The following MACROD2 variants were observed in gnomAD, a reference collection of about 807,000 sequenced individuals.
MACROD2 encodes mono-ADP ribosylhydrolase 2.
Under a neutral mutation model 70.4 loss-of-function variants are expected in MACROD2, and 36 were observed. The observed-to-expected ratio is 0.51, with a 90% CI of 0.39 to 0.68. The LOEUF is 0.68. MACROD2 is among the 30% of genes least tolerant of loss of function. The probability of loss-of-function intolerance (pLI) is 0.00; values close to 1 mark genes in which losing one functional copy is unlikely to be tolerated. For missense variants in MACROD2, 496 were observed against 538.4 expected (o/e 0.92, Z 0.78); for synonymous variants, 172 against 178.8 (o/e 0.96, Z 0.30).
chr20:15,079,865 A>G (rs2075689224), intron 5 of MACROD2, among the ~76,000 whole-genome samples: 1 of 151,934 alleles, frequency 6.6e-6, no homozygotes, highest in Admixed American at 6.6e-5. Context: ...TAAGAAAACC[A>G]CTTCCTCAGT....
rs533336323 is a variant in MACROD2, at chr20:15,041,247, T to C, written c.419-188693T>C. Among the ~76,000 whole-genome samples the C allele has an allele frequency of 3.3e-5, 5 of 152,294 alleles. No homozygotes were observed. In the South Asian group the frequency reaches 8.3e-4, roughly 25 times the overall value. On this transcript the variant is annotated intron_variant, in intron 5 of 17. Transcript: ENST00000684519. ...GGGCGTGACAAATTTTTGTTTGTAATACAGTTCCCAGTCATTGGAAGGGGA... is the reference window on the plus strand; with the variant it reads ...GGGCGTGACAAATTTTTGTTTGTAACACAGTTCCCAGTCATTGGAAGGGGA...
intron 8 of MACROD2, among the ~76,000 whole-genome samples, chr20:15,778,879 ATGC>A (rs1474837033): frequency 1.3e-5 from 2 of 152,128 alleles, no homozygotes; most frequent in Non-Finnish European, 2.9e-5. Context: ...TATAGCTCAT[ATGC>A]TGTCTTGATA....
In MACROD2 at chr20:16,050,041, G is replaced by A; in HGVS notation, c.*165G>A. 3.7e-6 allele frequency: 2 copies of A among 537,264 alleles called. No individual in the cohort carries two copies. The highest frequency in any genetic ancestry group is 6.1e-6 in the Non-Finnish European group (2 of 327,234). 33.3% of individuals were successfully genotyped at this position (537,264 alleles called of 1,614,324 possible). On this transcript the variant is annotated 3_prime_UTR_variant, in exon 18 of 18. Transcript: ENST00000684519. ...CTGCATTTTGTTCCGTTTATCTGCA[G>A]AAAAAGAAAGAAAAAAAAGAAAAAA...
intron 5 of MACROD2, among the ~76,000 whole-genome samples, chr20:14,843,826 G>GTTT (rs2073111392): frequency 6.6e-6 from 1 of 151,964 alleles, no homozygotes; most frequent in African/African-American, 2.4e-5. Context: ...TATACTCTTT[G>GTTT]TTTGTACAAG....
chr20:15,641,983 C>A (rs769758140), intron 8 of MACROD2, among the ~76,000 whole-genome samples: 7 of 152,136 alleles, frequency 4.6e-5, no homozygotes, highest in African/African-American at 1.7e-4. Flanking sequence ...TTCCAAGTGG[C>A]CTGAAGGTGG....
At chr20:14,837,456 T>C (rs1442580801) in intron 5 of MACROD2, among the ~76,000 whole-genome samples, 1 of 152,042 alleles carries the variant, frequency 6.6e-6, no homozygotes, top group East Asian at 1.9e-4. Context: ...ATTTAACCAA[T>C]TGGAGTATGA....
chr20:15,720,272 A>G (rs2050769158), intron 8 of MACROD2, among the ~76,000 whole-genome samples: 3 of 152,168 alleles, frequency 2.0e-5, no homozygotes, highest in African/African-American at 7.2e-5. Flanking sequence ...GCAGGCAGAC[A>G]TCGCTTTGAC....
At chr20:15,107,422 G>A (rs900263985) in intron 5 of MACROD2, among the ~76,000 whole-genome samples, 3 of 151,534 alleles carry the variant, frequency 2.0e-5, no homozygotes, top group African/African-American at 7.3e-5. Flanking sequence ...AACTGGGTTT[G>A]CAAAAGGATA....
chr20:14,747,517 A>G (rs1194336221), intron 5 of MACROD2, among the ~76,000 whole-genome samples: 1 of 152,098 alleles, frequency 6.6e-6, no homozygotes, highest in Non-Finnish European at 1.5e-5. Context: ...TCCCCTTTAC[A>G]ATTTCAGAGT....
intron 5 of MACROD2, among the ~76,000 whole-genome samples, chr20:15,018,649 T>C (rs1311053607): frequency 1.3e-5 from 2 of 152,166 alleles, no homozygotes; most frequent in Non-Finnish European, 2.9e-5. Flanking sequence ...AGGTTTAGAA[T>C]GTGTATATCC....
chr20:14,165,468 C>T (rs11696816), intron 3 of MACROD2, among the ~76,000 whole-genome samples: 79,587 of 151,968 alleles, frequency 0.52, 22,565 homozygotes, highest in Non-Finnish European at 0.62. Flanking sequence ...AGTGTTCTTT[C>T]TTAGAGGATC....
intron 4 of MACROD2, among the ~76,000 whole-genome samples, chr20:14,560,662 GT>G (rs1979373370): frequency 6.6e-6 from 1 of 151,738 alleles, no homozygotes; most frequent in African/African-American, 2.4e-5. Flanking sequence ...TGTTATACAT[GT>G]TTTCTGCATC....
intron 8 of MACROD2, among the ~76,000 whole-genome samples, chr20:15,556,760 C>T (rs995845423): frequency 5.3e-5 from 8 of 152,150 alleles, no homozygotes; most frequent in Non-Finnish European, 1.2e-4. Flanking sequence ...AAACTCAATA[C>T]ATTGTGGGAT....
chr20:14,228,326 A>T (rs953083845), intron 3 of MACROD2, among the ~76,000 whole-genome samples: 19 of 127,598 alleles, frequency 1.5e-4, no homozygotes, highest in African/African-American at 4.9e-4. Flanking sequence ...GGAAATGGTC[A>T]TAAATATTTT....
At chr20:15,949,363 T>C (rs377288906) in intron 12 of MACROD2, among the ~76,000 whole-genome samples, 5 of 152,172 alleles carry the variant, frequency 3.3e-5, no homozygotes, top group Non-Finnish European at 7.3e-5. Flanking sequence ...TGATATGTCA[T>C]TGAATCATCA....
intron 2 of MACROD2, among the ~76,000 whole-genome samples, chr20:14,040,854 G>A (rs1220944883): frequency 6.6e-6 from 1 of 152,190 alleles, no homozygotes; most frequent in Non-Finnish European, 1.5e-5. Flanking sequence ...GCACATGATT[G>A]TAGTGGGCAT....
chr20:15,646,102 G>A (rs1639565294), intron 8 of MACROD2, among the ~76,000 whole-genome samples: 1 of 152,088 alleles, frequency 6.6e-6, no homozygotes, highest in Non-Finnish European at 1.5e-5. Flanking sequence ...ACAGTGGACT[G>A]TCTCACTGTT....
chr20:14,254,457 G>GT (rs1453665897), intron 3 of MACROD2, among the ~76,000 whole-genome samples: 1 of 151,804 alleles, frequency 6.6e-6, no homozygotes, highest in African/African-American at 2.4e-5. Context: ...ATAGGGCCTA[G>GT]TTTTCCATAT....
intron 5 of MACROD2, among the ~76,000 whole-genome samples, chr20:14,856,486 T>C (rs2073257061): frequency 6.6e-6 from 1 of 152,146 alleles, no homozygotes; most frequent in South Asian, 2.1e-4. Context: ...ACAATAAAAA[T>C]TGGGCTGTTT....
Sources: gnomAD v4.1 joint callset for allele counts (sites outside exome capture counted in the v4.1 genomes callset) on GRCh38, gnomAD v4.1.1 for gene constraint, MANE v1.5 for transcripts, NCBI Gene and HGNC (gene_info 2026-07-23, HGNC 2026-07-21) for gene names.